The following PTPRR variants were observed in gnomAD, a reference collection of about 807,000 sequenced individuals.
PTPRR encodes the protein receptor-type tyrosine-protein phosphatase R.
A neutral mutation model predicts 77.2 loss-of-function variants in PTPRR; 38 were observed. The ratio of observed to expected loss-of-function variants is 0.49; its 90% CI spans 0.38 to 0.65. The LOEUF (loss-of-function observed/expected upper bound fraction) is 0.65. Among genes scored for constraint, PTPRR ranks in the 30% least tolerant of loss-of-function variants. The probability of loss-of-function intolerance (pLI) is 0.00; values close to 1 mark genes in which losing one functional copy is unlikely to be tolerated. For missense variants in PTPRR, 744 were observed against 799.2 expected (o/e 0.93, Z 0.83); for synonymous variants, 299 against 283.1 (o/e 1.06, Z -0.57).
At chr12:70,776,838 T>C (rs1416275816) in intron 2 of PTPRR, among the ~76,000 whole-genome samples, 1 of 152,168 alleles carries the variant, frequency 6.6e-6, no homozygotes, top group Admixed American at 6.5e-5. Flanking sequence ...CCAGTAGTAC[T>C]GTGTTGGACT....
At chr12:70,670,800 C>T (rs1887195083) in intron 10 of PTPRR, among the ~76,000 whole-genome samples, 1 of 152,192 alleles carries the variant, frequency 6.6e-6, no homozygotes, top group Admixed American at 6.5e-5. Flanking sequence ...TTCAATGTTT[C>T]CTTCTCTGAA....
intron 2 of PTPRR, among the ~76,000 whole-genome samples, chr12:70,866,170 G>A (rs1313138006): frequency 6.6e-6 from 1 of 151,752 alleles, no homozygotes; most frequent in Admixed American, 6.6e-5. Context: ...CAGAAGGCAA[G>A]AAATAACTAA....
At chr12:70,893,475 T>G (rs1893373787) in intron 1 of PTPRR, among the ~76,000 whole-genome samples, 1 of 151,912 alleles carries the variant, frequency 6.6e-6, no homozygotes, top group African/African-American at 2.4e-5. Flanking sequence ...GAAATCTGAG[T>G]GTACTTATTG....
intron 6 of PTPRR, among the ~76,000 whole-genome samples, chr12:70,714,011 G>GA (rs1888928502): frequency 6.6e-6 from 1 of 151,962 alleles, no homozygotes; most frequent in Non-Finnish European, 1.5e-5. Flanking sequence ...TAATGTAGTA[G>GA]GTCTTATCCC....
rs1385970817 is a variant in PTPRR at position 70,714,453 on chromosome 12, T to C, written c.1008-13130A>G. On this transcript the variant is annotated intron_variant, in intron 6 of 13. Coordinates refer to ENST00000283228, the MANE Select transcript of PTPRR (RefSeq NM_002849.4). ...ACGCACTTACAAAGACAAATATAAATTGGATCATAAAATTTCATATAGTTT... is the reference window on the plus strand; with the variant it reads ...ACGCACTTACAAAGACAAATATAAACTGGATCATAAAATTTCATATAGTTT... Among the ~76,000 whole-genome samples the C allele has an allele frequency of 5.9e-5, 9 of 152,156 alleles. No homozygotes were observed. The East Asian group carries it at 1.7e-3, about 29-fold the overall frequency.
intron 2 of PTPRR, among the ~76,000 whole-genome samples, chr12:70,871,115 T>A (rs935239997): frequency 6.6e-6 from 1 of 152,060 alleles, no homozygotes; most frequent in African/African-American, 2.4e-5. Context: ...TGTGGCAAAT[T>A]GGGTTGTAGG....
At chr12:70,667,523 G>A (rs527679370) in intron 10 of PTPRR, among the ~76,000 whole-genome samples, 2 of 152,216 alleles carry the variant, frequency 1.3e-5, no homozygotes, top group South Asian at 4.1e-4. Context: ...CTGGACAGTG[G>A]TGGCCAGGTT....
intron 6 of PTPRR, among the ~76,000 whole-genome samples, chr12:70,714,941 C>T (rs1028210522): frequency 2.0e-5 from 3 of 152,148 alleles, no homozygotes; most frequent in African/African-American, 7.2e-5. Context: ...GCCGTGATCA[C>T]GCTACTGCAC....
At chr12:70,718,574 T>C (rs146918533) in intron 6 of PTPRR, among the ~76,000 whole-genome samples, 3 of 152,296 alleles carry the variant, frequency 2.0e-5, no homozygotes, top group African/African-American at 7.2e-5. Flanking sequence ...GGTCCACTGT[T>C]TTAAACACAA....
rs541944950 is a variant in PTPRR, at chr12:70,639,807, A to G, written c.1881-530T>C. 3 of 152,648 alleles carry G rather than the reference A, an allele frequency of 2.0e-5. No individual in the cohort carries two copies. The South Asian group carries it at 6.2e-4, about 32-fold the overall frequency. 9.5% of individuals were successfully genotyped at this position (152,648 alleles called of 1,614,324 possible). On this transcript the variant is annotated intron_variant, in intron 13 of 13. Coordinates refer to ENST00000283228, the MANE Select transcript of PTPRR (RefSeq NM_002849.4). ...AAAATGGTTTATACATTTGGCTTAAAATTGATTGACGGAGACAAACCAAAC... is the reference window on the plus strand; with the variant it reads ...AAAATGGTTTATACATTTGGCTTAAGATTGATTGACGGAGACAAACCAAAC...
chr12:70,858,913 A>G (rs1400816356), intron 2 of PTPRR, among the ~76,000 whole-genome samples: 1 of 150,878 alleles, frequency 6.6e-6, no homozygotes, highest in East Asian at 1.9e-4. Flanking sequence ...TTTGAACACA[A>G]TGTATCTAAA....
At chr12:70,734,799 G>T (rs1889805513) in intron 6 of PTPRR, among the ~76,000 whole-genome samples, 1 of 152,146 alleles carries the variant, frequency 6.6e-6, no homozygotes, top group African/African-American at 2.4e-5. Context: ...TGCCAGGCCT[G>T]TGCTTTCCAA....
At chr12:70,811,660 A>C (rs1159523910) in intron 2 of PTPRR, among the ~76,000 whole-genome samples, 4 of 152,200 alleles carry the variant, frequency 2.6e-5, no homozygotes, top group African/African-American at 7.2e-5. Flanking sequence ...ATTGTTAACA[A>C]TGTCAACATT....
At chr12:70,754,622 T>C (rs1450577712) in intron 4 of PTPRR, 2 of 1,597,948 alleles carry the variant, frequency 1.3e-6, no homozygotes, top group Non-Finnish European at 1.7e-6. Flanking sequence ...CTTTTCTGTG[T>C]GGAGGAAATT....
chr12:70,712,594 G>C (rs1413475703), intron 6 of PTPRR, among the ~76,000 whole-genome samples: 1 of 151,042 alleles, frequency 6.6e-6, no homozygotes, highest in Non-Finnish European at 1.5e-5. Context: ...TCTATATTAT[G>C]TCCAAGGAGC....
intron 13 of PTPRR, among the ~76,000 whole-genome samples, chr12:70,640,080 G>C (rs1195923448): frequency 6.6e-6 from 1 of 152,134 alleles, no homozygotes; most frequent in East Asian, 1.9e-4. Flanking sequence ...TTCATAGAAA[G>C]CACTTGCCTT....
rs189435222 is a variant in PTPRR at position 70,912,398 on chromosome 12, A to G, written c.58+7935T>C. Reference sequence around the variant, plus strand: ...TGTGCTCATTAAATGCTCCTTTCCAAAGAATCAGTAGTTTAGGACTGCCTG... The same window carrying G: ...TGTGCTCATTAAATGCTCCTTTCCAGAGAATCAGTAGTTTAGGACTGCCTG... On this transcript the variant is annotated intron_variant, in intron 1 of 13. Transcript: ENST00000283228. Among the ~76,000 whole-genome samples, 211 of 152,308 alleles carry G rather than the reference A, an allele frequency of 1.4e-3. 1 individual carries two copies. The highest frequency in any genetic ancestry group is 4.7e-3 in the African/African-American group (196 of 41,568).
chr12:70,669,090 A>T (rs1397419785), intron 10 of PTPRR, among the ~76,000 whole-genome samples: 1 of 152,210 alleles, frequency 6.6e-6, no homozygotes, highest in African/African-American at 2.4e-5. Flanking sequence ...GACATGGAGA[A>T]TACTCATAAT....
chr12:70,759,879 T>A (rs949557055), intron 4 of PTPRR, among the ~76,000 whole-genome samples: 1 of 152,024 alleles, frequency 6.6e-6, no homozygotes, highest in African/African-American at 2.4e-5. Flanking sequence ...TTAAGAAATC[T>A]AGACTTCATT....
Sources: allele counts gnomAD v4.1 joint callset (sites outside exome capture counted in the v4.1 genomes callset), GRCh38; gene constraint gnomAD v4.1.1; transcripts MANE v1.5; gene names NCBI Gene and HGNC (gene_info 2026-07-23, HGNC 2026-07-21).